RUBCN: variants seen among roughly 807,000 people sequenced by gnomAD.
The protein encoded by RUBCN is rubicon autophagy regulator, also known as run domain Beclin-1-interacting and cysteine-rich domain-containing protein.
A neutral mutation model predicts 113.2 loss-of-function variants in RUBCN; 74 were observed. The observed-to-expected ratio is 0.65, with a 90% CI of 0.54 to 0.79. The LOEUF is 0.79. RUBCN is among the 30% of genes least tolerant of loss of function. The pLI is 0.00. For missense variants in RUBCN, 1,109 were observed against 1,251.7 expected (o/e 0.89, Z 1.72); for synonymous variants, 480 against 490.0 (o/e 0.98, Z 0.27).
intron 7 of RUBCN, chr3:197,699,141 G>C: frequency 7.3e-7 from 1 of 1,375,124 alleles, no homozygotes; most frequent in Non-Finnish European, 1.0e-6. Flanking sequence ...TAAGAAAGGT[G>C]GTCACAAAAC....
intron 7 of RUBCN, among the ~76,000 whole-genome samples, chr3:197,699,679 G>C (rs1419109823): frequency 6.6e-6 from 1 of 152,112 alleles, no homozygotes; most frequent in Non-Finnish European, 1.5e-5. Context: ...ACATTCTTGA[G>C]GGAAAACAAA....
At chr3:197,722,587 G>A (rs1437395704) in intron 1 of RUBCN, among the ~76,000 whole-genome samples, 1 of 150,516 alleles carries the variant, frequency 6.6e-6, no homozygotes, top group Admixed American at 6.6e-5. Context: ...TATTTAAGGT[G>A]CTCCCATGTT....
intron 1 of RUBCN, among the ~76,000 whole-genome samples, chr3:197,722,189 G>T (rs1293303501): frequency 6.6e-6 from 1 of 151,766 alleles, no homozygotes; most frequent in East Asian, 1.9e-4. Context: ...GTGGAGCTGG[G>T]ATTGCACCAC....
chr3:197,710,691 A>G (rs1048031800), intron 2 of RUBCN, among the ~76,000 whole-genome samples: 1 of 152,234 alleles, frequency 6.6e-6, no homozygotes, highest in Non-Finnish European at 1.5e-5. Flanking sequence ...TCAATAAATA[A>G]AGAATATCTA....
At position 197,694,591 on chromosome 3, in the gene RUBCN, G is replaced by T; in HGVS notation, c.1474-6C>A. The T allele has an allele frequency of 6.2e-7, 1 of 1,612,788 alleles. No homozygotes were observed. The highest frequency in any genetic ancestry group is 8.5e-7 in the Non-Finnish European group (1 of 1,178,784). ...ATGCTGAAGTGGGCATTCTCCTGGCGGAAGGAGAGCACCAAACAGGCAAAG... is the reference window on the plus strand; with the variant it reads ...ATGCTGAAGTGGGCATTCTCCTGGCTGAAGGAGAGCACCAAACAGGCAAAG... On this transcript the variant is annotated splice_polypyrimidine_tract_variant and splice_region_variant and intron_variant, in intron 9 of 19. Transcript: ENST00000296343.
intron 4 of RUBCN, among the ~76,000 whole-genome samples, chr3:197,704,015 C>G (rs1479124784): frequency 1.3e-5 from 2 of 152,178 alleles, no homozygotes; most frequent in Non-Finnish European, 2.9e-5. Flanking sequence ...GGTGGCTATT[C>G]TTACGGTTTG....
chr3:197,680,701 G>C (rs1213131759), intron 16 of RUBCN, among the ~76,000 whole-genome samples: 1 of 152,210 alleles, frequency 6.6e-6, no homozygotes, highest in Non-Finnish European at 1.5e-5. Flanking sequence ...AGTCTGGGCA[G>C]AGGAGTGCTC....
At position 197,681,484 on chromosome 3, in the gene RUBCN, CTCTG is replaced by C; in HGVS notation, c.2192-121_2192-118del. 3 of 783,104 alleles carry C rather than the reference CTCTG, an allele frequency of 3.8e-6. No individual in the cohort carries two copies. Among genetic ancestry groups the C allele is most frequent in the South Asian group, 2.9e-5 (2 of 69,462 alleles). 48.5% of individuals were successfully genotyped at this position (783,104 alleles called of 1,614,324 possible). Reference sequence around the variant, plus strand: ...GGGACAGCCAATGGCCTCCAGCAACCTCTGTCTGAGTTCCCCAAAGCTTGCAGAA... The same window carrying C: ...GGGACAGCCAATGGCCTCCAGCAACCTCTGAGTTCCCCAAAGCTTGCAGAA... On this transcript the variant is annotated intron_variant, in intron 15 of 19. Coordinates refer to ENST00000296343, the MANE Select transcript of RUBCN (RefSeq NM_014687.4). The surrounding 1 kb of genome is among the most constrained non-coding windows in gnomAD (Gnocchi z 5.5).
rs760366824 is a variant in RUBCN at position 197,673,885 on chromosome 3, T to C, written c.*1133A>G. The stretch of plus-strand genomic sequence containing the variant: ...ACACTCACATCCACAAACCGTCAAG[T>C]TCTGTAACAGCACTAATAGCAGGAA... On this transcript the variant is annotated 3_prime_UTR_variant, in exon 20 of 20. Coordinates refer to ENST00000296343, the MANE Select transcript of RUBCN (RefSeq NM_014687.4). 6.6e-6 allele frequency: 1 copy of C among 152,280 alleles called. No homozygotes were observed. 9.4% of individuals were successfully genotyped at this position (152,280 alleles called of 1,614,324 possible).
intron 12 of RUBCN, 152 bp downstream of exon 12, chr3:197,684,005 G>A (rs1452555028): frequency 8.3e-6 from 5 of 601,330 alleles, no homozygotes; most frequent in South Asian, 4.4e-5. Flanking sequence ...CTTTCTTCCC[G>A]TGGGCTCGGC....
At position 197,670,822 on chromosome 3, in the gene RUBCN, A is replaced by G. The variant is rs1015793895; in HGVS notation, c.*4196T>C. Among the ~76,000 whole-genome samples, 1 of 152,230 alleles carries G rather than the reference A, an allele frequency of 6.6e-6. No homozygotes were observed. The highest frequency in any genetic ancestry group is 1.5e-5 in the Non-Finnish European group (1 of 68,034). On this transcript the variant is annotated 3_prime_UTR_variant, in exon 20 of 20. Transcript: ENST00000296343. The stretch of plus-strand genomic sequence containing the variant: ...AGTTTAATAATAAAGTGACTGAAGG[A>G]CATTTGGGATGTGTGTCCTCTGATG...
At chr3:197,717,373 G>A (rs925986355) in intron 2 of RUBCN, among the ~76,000 whole-genome samples, 16 of 151,908 alleles carry the variant, frequency 1.1e-4, no homozygotes, top group African/African-American at 3.9e-4. Flanking sequence ...GAACCCGGGA[G>A]GCGGAGCTTG....
intron 11 of RUBCN, among the ~76,000 whole-genome samples, chr3:197,693,405 T>C (rs1252902504): frequency 1.3e-5 from 2 of 152,148 alleles, no homozygotes; most frequent in Non-Finnish European, 2.9e-5. Flanking sequence ...TAATTTCAAG[T>C]GGTATGGACC....
At chr3:197,703,782 G>C (rs1723972136) in intron 4 of RUBCN, 128 bp from the exon 5 acceptor site, 1 of 702,702 alleles carries the variant, frequency 1.4e-6, no homozygotes, top group Non-Finnish European at 2.6e-6. Flanking sequence ...AAACAAAGTA[G>C]AGGAGAAGCT....
intron 11 of RUBCN, among the ~76,000 whole-genome samples, chr3:197,691,313 G>A (rs997404823): frequency 2.6e-5 from 4 of 152,186 alleles, no homozygotes; most frequent in African/African-American, 7.2e-5. Context: ...TAGCTTGGAG[G>A]AGAGTTACTG....
chr3:197,699,919 C>T (rs1261114355), intron 7 of RUBCN, among the ~76,000 whole-genome samples: 4 of 152,120 alleles, frequency 2.6e-5, no homozygotes, highest in African/African-American at 9.7e-5. Flanking sequence ...TTATGGAGAT[C>T]CTACTACAAA....
chr3:197,721,344 G>C (rs1439812746), intron 1 of RUBCN, among the ~76,000 whole-genome samples: 2 of 152,130 alleles, frequency 1.3e-5, no homozygotes, highest in African/African-American at 4.8e-5. Flanking sequence ...TCGGTAAGCT[G>C]TATGTGTCCA....
In RUBCN at chr3:197,678,148, T is replaced by C. The variant is rs189104489; in HGVS notation, c.2431-607A>G. The stretch of plus-strand genomic sequence containing the variant: ...TAACTCGACACCTGGCTTCAGACTG[T>C]CCCACACTCTGACAGCTGGCTTCAG... On this transcript the variant is annotated intron_variant, in intron 16 of 19. Coordinates refer to ENST00000296343, the MANE Select transcript of RUBCN (RefSeq NM_014687.4). 8.7e-3 allele frequency among the ~76,000 whole-genome samples: 1,130 copies of C among 129,696 alleles called. 18 individuals carry two copies. The highest frequency in any genetic ancestry group is 0.013 in the Non-Finnish European group (845 of 65,372). 85.1% of individuals were successfully genotyped at this position (129,696 alleles called of 152,430 possible).
Position 197,674,908 on chromosome 3 carries a change from T to TAAA in RUBCN, c.*107_*109dup, listed in dbSNP as rs372329370. On this transcript the variant is annotated 3_prime_UTR_variant, in exon 20 of 20. Transcript: ENST00000296343. ...AAAAAAAAAAAAAGATGATGATAAT[T>TAAA]AAAAAAAAAAAAAAAAAAAGAAGCC... 2.8e-4 allele frequency: 173 copies of TAAA among 625,634 alleles called. No individual in the cohort carries two copies. The highest frequency in any genetic ancestry group is 6.9e-4 in the South Asian group (26 of 37,584). The allele number at this position is 625,634 out of a possible 1,614,324, so 38.8% of individuals were successfully genotyped here. A position where few individuals can be genotyped will look rare whatever the true frequency, so the allele number is the denominator to read the frequency against.
Sources: allele counts gnomAD v4.1 joint callset (sites outside exome capture counted in the v4.1 genomes callset), GRCh38; gene constraint gnomAD v4.1.1; non-coding constraint Gnocchi (gnomAD v3.1); transcripts MANE v1.5; gene names NCBI Gene and HGNC (gene_info 2026-07-23, HGNC 2026-07-21).